NPEPPS: variants seen among roughly 807,000 people sequenced by gnomAD.
The protein encoded by NPEPPS is aminopeptidase puromycin sensitive, also known as puromycin-sensitive aminopeptidase.
A neutral mutation model predicts 115.5 loss-of-function variants in NPEPPS; 14 were observed. The ratio of observed to expected loss-of-function variants is 0.12; its 90% CI spans 0.08 to 0.19. NPEPPS has a LOEUF of 0.19. Among genes scored for constraint, NPEPPS ranks in the 10% least tolerant of loss-of-function variants. The pLI is 1.00. For synonymous variants in NPEPPS, 285 were observed against 390.6 expected (o/e 0.73, Z 3.19); for missense variants, 523 against 1,110.8 (o/e 0.47, Z 7.52).
At chr17:47,531,710 T>C (rs1597803613) in intron 1 of NPEPPS, among the ~76,000 whole-genome samples, 155 bp downstream of exon 1, 2 of 146,114 alleles carry the variant, frequency 1.4e-5, no homozygotes, top group East Asian at 4.1e-4. Flanking sequence ...TGCCTTGCTC[T>C]GTTGGGGCTG....
At chr17:47,545,197 G>C (rs1449597059) in intron 1 of NPEPPS, among the ~76,000 whole-genome samples, 1 of 152,056 alleles carries the variant, frequency 6.6e-6, no homozygotes, top group African/African-American at 2.4e-5. Context: ...TTGTCTCACT[G>C]TGTTGCCCAA....
At chr17:47,606,946 G>A (rs1913553961) in intron 17 of NPEPPS, among the ~76,000 whole-genome samples, 2 of 152,012 alleles carry the variant, frequency 1.3e-5, no homozygotes, top group South Asian at 4.1e-4. Context: ...TGTAATCCCA[G>A]CACTTTGGGA....
At chr17:47,610,399 G>A (rs993262939) in intron 17 of NPEPPS, among the ~76,000 whole-genome samples, 1 of 151,374 alleles carries the variant, frequency 6.6e-6, no homozygotes. Context: ...TTTTTTGGGG[G>A]GGGGTAACAG....
intron 1 of NPEPPS, among the ~76,000 whole-genome samples, chr17:47,524,230 C>A (rs1234672972): frequency 6.6e-6 from 1 of 151,880 alleles, no homozygotes; most frequent in Non-Finnish European, 1.5e-5. Context: ...TCGCTTGAAC[C>A]CCCGGGAGGC....
At chr17:47,616,865 GAA>G (rs202070532) in intron 19 of NPEPPS, among the ~76,000 whole-genome samples, 19 of 140,574 alleles carry the variant, frequency 1.4e-4, no homozygotes, top group Admixed American at 1.2e-3. Flanking sequence ...ATTGTTTATT[GAA>G]AAAAAAAAAA....
intron 2 of NPEPPS, among the ~76,000 whole-genome samples, chr17:47,553,015 C>T (rs995916227): frequency 1.3e-5 from 2 of 152,064 alleles, no homozygotes; most frequent in African/African-American, 2.4e-5. Flanking sequence ...AATATAACCG[C>T]ACCATATTGC....
At chr17:47,605,878 A>T (rs1346262547) in intron 17 of NPEPPS, among the ~76,000 whole-genome samples, 1 of 152,018 alleles carries the variant, frequency 6.6e-6, no homozygotes, top group Non-Finnish European at 1.5e-5. Flanking sequence ...TTATTTATTT[A>T]TTTATTTTAT....
intron 2 of NPEPPS, among the ~76,000 whole-genome samples, chr17:47,552,310 T>C (rs186578027): frequency 1.4e-4 from 21 of 152,162 alleles, no homozygotes. Flanking sequence ...CTGGTTTCTA[T>C]GCAGGATAGA....
At chr17:47,540,012 A>G (rs1374356053) in intron 1 of NPEPPS, among the ~76,000 whole-genome samples, 4 of 151,872 alleles carry the variant, frequency 2.6e-5, no homozygotes, top group South Asian at 2.1e-4. Context: ...GAGTCTTACT[A>G]TCTTACATGT....
chr17:47,551,194 T>C (rs975451170), intron 2 of NPEPPS, among the ~76,000 whole-genome samples: 9 of 152,146 alleles, frequency 5.9e-5, no homozygotes, highest in African/African-American at 2.2e-4. Context: ...TAAATCTTGT[T>C]GATGTGTATA....
chr17:47,601,858 T>C, intron 15 of NPEPPS, 111 bp downstream of exon 15: 1 of 1,164,318 alleles, frequency 8.6e-7, no homozygotes. Flanking sequence ...ACCTAAACTT[T>C]TCTTTGTGAA....
intron 1 of NPEPPS, among the ~76,000 whole-genome samples, chr17:47,524,195 T>C (rs567148458): frequency 2.0e-5 from 3 of 151,794 alleles, no homozygotes; most frequent in East Asian, 3.9e-4. Context: ...TAATCCCAGC[T>C]ACTTGGGAGG....
chr17:47,611,330 C>T (rs1913858841), intron 17 of NPEPPS, among the ~76,000 whole-genome samples: 3 of 151,806 alleles, frequency 2.0e-5, no homozygotes, highest in South Asian at 4.2e-4. Flanking sequence ...CGTGGTGGCA[C>T]AACCGTGTAT....
At chr17:47,548,936 C>T (rs901991222) in intron 2 of NPEPPS, among the ~76,000 whole-genome samples, 3 of 152,108 alleles carry the variant, frequency 2.0e-5, no homozygotes, top group Non-Finnish European at 4.4e-5. Context: ...ATCTGTATCT[C>T]ACGGAAGCCC....
chr17:47,577,853 C>A (rs1477109601), intron 3 of NPEPPS, among the ~76,000 whole-genome samples: 2 of 152,118 alleles, frequency 1.3e-5, no homozygotes, highest in African/African-American at 4.8e-5. Flanking sequence ...ACTTTTGGTC[C>A]TTTCCAAAAG....
At chr17:47,592,259 G>A (rs1912554253) in intron 11 of NPEPPS, among the ~76,000 whole-genome samples, 199 bp downstream of exon 11, 1 of 152,020 alleles carries the variant, frequency 6.6e-6, no homozygotes. Context: ...GTGCAGGTGT[G>A]TTTGGGAGTG....
Position 47,619,743 on chromosome 17 carries a change from G to C in NPEPPS, c.2566G>C (p.Val856Leu), listed in dbSNP as rs375636986. The C allele has an allele frequency of 6.2e-7, 1 of 1,613,498 alleles. No individual in the cohort carries two copies. The highest frequency in any genetic ancestry group is 1.3e-5 in the African/African-American group (1 of 74,930). Reference sequence around the variant, plus strand: ...TAAAACCATTGTTTTGCAGCTATCAGTTGAGGGATTTGCAGTTGATAAAAT... The same window carrying C: ...TAAAACCATTGTTTTGCAGCTATCACTTGAGGGATTTGCAGTTGATAAAAT... ...FLISRLIKLSVEGFAVDKMAG... is the reference protein window; with the variant it reads ...FLISRLIKLSLEGFAVDKMAG... Residue 856 changes from valine (V) to leucine (L), a missense_variant, in exon 22 of 23, where the codon GTT becomes CTT. By Grantham distance (32) the Val-to-Leu change is conservative (BLOSUM62 1). Transcript: ENST00000322157.
intron 2 of NPEPPS, among the ~76,000 whole-genome samples, chr17:47,553,369 C>CAA (rs953039596): frequency 1.6e-4 from 20 of 125,498 alleles, no homozygotes; most frequent in African/African-American, 5.3e-4. Context: ...GACTTCTACT[C>CAA]AAAAAAAAAA....
chr17:47,546,022 T>G (rs780731328), intron 2 of NPEPPS, 29 bp downstream of exon 2: 260 of 1,531,404 alleles, frequency 1.7e-4, no homozygotes, highest in Non-Finnish European at 2.2e-4. Context: ...TTTAATTTGC[T>G]GTCTGCATGT....
Sources: allele counts gnomAD v4.1 joint callset (sites outside exome capture counted in the v4.1 genomes callset), GRCh38; gene constraint gnomAD v4.1.1; transcripts MANE v1.5; gene names NCBI Gene and HGNC (gene_info 2026-07-23, HGNC 2026-07-21).